The following BAIAP2L1 variants were observed in gnomAD, a reference collection of about 807,000 sequenced individuals.
BAIAP2L1 encodes BAR/IMD domain-containing adapter protein 2-like 1.
In BAIAP2L1, 35 loss-of-function variants were observed where a neutral mutation model predicts 66.3. That is an observed-to-expected ratio of 0.53 (90% CI 0.40 to 0.70). The LOEUF (loss-of-function observed/expected upper bound fraction) is 0.70. BAIAP2L1 is among the 30% of genes least tolerant of loss of function. The pLI, the probability that BAIAP2L1 is intolerant of heterozygous loss-of-function variation, is 0.00. For missense variants in BAIAP2L1, 622 were observed against 656.9 expected, an observed-to-expected ratio of 0.95 and a Z score of 0.58; for synonymous variants, 269 against 248.7, an observed-to-expected ratio of 1.08 and a Z score of -0.77.
chr7:98,391,329 G>A (rs964417826), intron 1 of BAIAP2L1, among the ~76,000 whole-genome samples: 12 of 152,064 alleles, frequency 7.9e-5, no homozygotes, highest in African/African-American at 2.9e-4. Flanking sequence ...AAGAGAAACC[G>A]GCAACATTTT....
At chr7:98,347,487 T>C (rs1801896956) in intron 3 of BAIAP2L1, among the ~76,000 whole-genome samples, 2 of 151,966 alleles carry the variant, frequency 1.3e-5, no homozygotes, top group Admixed American at 6.6e-5. Context: ...ACTTAAGAAA[T>C]TAGAAAGGCC....
At chr7:98,360,626 A>G (rs78887959) in intron 2 of BAIAP2L1, among the ~76,000 whole-genome samples, 2 of 146,002 alleles carry the variant, frequency 1.4e-5, no homozygotes, top group South Asian at 2.1e-4. Context: ...TGCTAGAAAG[A>G]AAAAAAAAAA....
intron 3 of BAIAP2L1, among the ~76,000 whole-genome samples, chr7:98,331,758 C>T (rs1801500379): frequency 6.6e-6 from 1 of 152,012 alleles, no homozygotes. Context: ...TGTGAGTCAC[C>T]ATGCCTAGCC....
intron 1 of BAIAP2L1, among the ~76,000 whole-genome samples, chr7:98,389,724 A>G (rs1488751365): frequency 1.3e-5 from 2 of 152,200 alleles, no homozygotes; most frequent in Admixed American, 1.3e-4. Flanking sequence ...AGATACAGCC[A>G]TGCTTTTAAC....
At chr7:98,361,055 G>A (rs1802257661) in intron 2 of BAIAP2L1, among the ~76,000 whole-genome samples, 1 of 152,042 alleles carries the variant, frequency 6.6e-6, no homozygotes, top group Admixed American at 6.6e-5. Context: ...GGAGCAACCA[G>A]TATGGCAAAA....
At chr7:98,329,094 C>T (rs557790471) in intron 3 of BAIAP2L1, among the ~76,000 whole-genome samples, 2 of 152,304 alleles carry the variant, frequency 1.3e-5, no homozygotes, top group Admixed American at 1.3e-4. Context: ...ATCTGGTCAC[C>T]GTTGATGCAA....
intron 3 of BAIAP2L1, among the ~76,000 whole-genome samples, chr7:98,327,421 C>T (rs558322927): frequency 8.2e-4 from 125 of 152,078 alleles, no homozygotes; most frequent in African/African-American, 2.9e-3. Context: ...CGCCTGTAAT[C>T]CCAGCACTTT....
intron 2 of BAIAP2L1, among the ~76,000 whole-genome samples, chr7:98,358,437 A>T (rs1443190853): frequency 6.6e-6 from 1 of 151,804 alleles, no homozygotes; most frequent in Non-Finnish European, 1.5e-5. Context: ...AGCTCACTGC[A>T]GCCTCCACCT....
At chr7:98,340,328 C>T (rs1801711241) in intron 3 of BAIAP2L1, among the ~76,000 whole-genome samples, 1 of 152,134 alleles carries the variant, frequency 6.6e-6, no homozygotes, top group African/African-American at 2.4e-5. Flanking sequence ...TGCCTTGTCG[C>T]CCAGGCTGGA....
chr7:98,382,776 C>T (rs1284019427), intron 1 of BAIAP2L1, among the ~76,000 whole-genome samples: 2 of 152,288 alleles, frequency 1.3e-5, no homozygotes, highest in Non-Finnish European at 1.5e-5. Flanking sequence ...GATTGTGGAA[C>T]CCTGCCCCAG....
chr7:98,332,382 CAAAAAAAAAAAA>C lies in BAIAP2L1; in HGVS notation c.215-12096_215-12085del, dbSNP rs55987839. Among the ~76,000 whole-genome samples, 26 of 27,762 alleles carry C rather than the reference CAAAAAAAAAAAA, an allele frequency of 9.4e-4. 1 individual carries two copies. In the East Asian group the frequency reaches 0.04, roughly 43 times the overall value. 18.2% of individuals were successfully genotyped at this position (27,762 alleles called of 152,430 possible). ...TGGGTGACAGAACAAGACTCCATCT[CAAAAAAAAAAAA>C]AAAAAAAAAAAAAAAAAAGACAACA... On this transcript the variant is annotated intron_variant, in intron 3 of 13. Transcript: ENST00000005260.
chr7:98,360,765 A>T (rs1348792432), intron 2 of BAIAP2L1, among the ~76,000 whole-genome samples: 1 of 152,206 alleles, frequency 6.6e-6, no homozygotes, highest in Admixed American at 6.5e-5. Context: ...AGCAGTGCAC[A>T]GCTCTGGCTT....
At chr7:98,314,773 G>A (rs377587180) in intron 7 of BAIAP2L1, among the ~76,000 whole-genome samples, 2 of 152,158 alleles carry the variant, frequency 1.3e-5, no homozygotes, top group Admixed American at 1.3e-4. Context: ...TCGCCCAGGT[G>A]GGGTAGACCT....
chr7:98,386,693 GTTTTTT>G (rs71112150), intron 1 of BAIAP2L1: 516 of 188,256 alleles, frequency 2.7e-3, no homozygotes, highest in East Asian at 5.2e-3. Flanking sequence ...CTTTCCAAAG[GTTTTTT>G]TTTTTTTTTT....
At chr7:98,295,484 G>A (rs1584411206) in intron 12 of BAIAP2L1, among the ~76,000 whole-genome samples, 1 of 152,332 alleles carries the variant, frequency 6.6e-6, no homozygotes, top group East Asian at 1.9e-4. Flanking sequence ...GGTGTGAGGT[G>A]CATGCTCTGC....
intron 12 of BAIAP2L1, among the ~76,000 whole-genome samples, chr7:98,301,092 G>C (rs890468255): frequency 6.6e-6 from 1 of 152,146 alleles, no homozygotes; most frequent in African/African-American, 2.4e-5. Flanking sequence ...ATGCTGATGG[G>C]ACGGTCTCAT....
At chr7:98,393,141 GTGTACATATATA>G (rs1803104312) in intron 1 of BAIAP2L1, among the ~76,000 whole-genome samples, 3 of 105,730 alleles carry the variant, frequency 2.8e-5, no homozygotes, top group South Asian at 7.7e-4. Context: ...ACACACATAT[GTGTACATATATA>G]TGTACACATA....
chr7:98,302,117 TC>T (rs1347058563), intron 12 of BAIAP2L1, among the ~76,000 whole-genome samples: 1 of 152,136 alleles, frequency 6.6e-6, no homozygotes, highest in Non-Finnish European at 1.5e-5. Flanking sequence ...ACCTTTCCAC[TC>T]CCCAGTGCTA....
intron 1 of BAIAP2L1, among the ~76,000 whole-genome samples, chr7:98,366,772 A>G (rs1223686910): frequency 6.6e-6 from 1 of 152,250 alleles, no homozygotes; most frequent in Non-Finnish European, 1.5e-5. Flanking sequence ...CCCCAGAGCC[A>G]GCCAACTCCC....
Sources: gnomAD v4.1 joint callset for allele counts (sites outside exome capture counted in the v4.1 genomes callset) on GRCh38, gnomAD v4.1.1 for gene constraint, MANE v1.5 for transcripts, NCBI Gene and HGNC (gene_info 2026-07-23, HGNC 2026-07-21) for gene names.